The following COL5A2 variants were observed in gnomAD, a reference collection of about 807,000 sequenced individuals.
COL5A2 encodes the protein collagen type V alpha 2 chain.
COL5A2 carries 23 observed loss-of-function variants against 208.2 expected under a neutral mutation model. The observed-to-expected ratio is 0.11, with a 90% CI of 0.08 to 0.16. COL5A2 has a LOEUF of 0.16. COL5A2 is among the 10% of genes least tolerant of loss of function. COL5A2 has a pLI of 1.00. For synonymous variants in COL5A2, 625 were observed against 628.5 expected (o/e 0.99, Z 0.08); for missense variants, 1,590 against 1,956.4 (o/e 0.81, Z 3.53).
At chr2:189,351,562 T>C in the COL5A2 span, among the ~76,000 whole-genome samples, 1 of 152,310 alleles carries the variant, frequency 6.6e-6, no homozygotes, top group Admixed American at 6.5e-5. Flanking sequence ...TGTATATAAA[T>C]AAACAGTCAA....
the COL5A2 span, among the ~76,000 whole-genome samples, chr2:189,423,309 TAA>T: frequency 6.6e-6 from 1 of 151,378 alleles, no homozygotes; most frequent in Admixed American, 6.6e-5. Flanking sequence ...ATAAACAACC[TAA>T]CATTGCACCT....
chr2:189,216,795 G>A lies in COL5A2; in HGVS notation c.-42+8353C>T, dbSNP rs1456595999. 2.0e-5 allele frequency among the ~76,000 whole-genome samples: 3 copies of A among 152,064 alleles called. No individual in the cohort carries two copies. In the East Asian group the frequency reaches 5.8e-4, roughly 29 times the overall value. ...CTAAATAAGTTTAATAACACCCTGA[G>A]CCCTCAACATTGTCTTTGGACACAT... On this transcript the variant is annotated intron_variant, in intron 1 of 10. Coordinates refer to the COL5A2 transcript ENST00000649966.
At chr2:189,169,781 A>C (rs1688536908) in intron 1 of COL5A2, among the ~76,000 whole-genome samples, 1 of 152,198 alleles carries the variant, frequency 6.6e-6, no homozygotes, top group African/African-American at 2.4e-5. Flanking sequence ...GCGCGATCTC[A>C]GCTCACTGCA....
At chr2:189,048,085 T>C (rs1018647835) in intron 45 of COL5A2, 124 bp downstream of exon 45, 1 of 829,088 alleles carries the variant, frequency 1.2e-6, no homozygotes, top group Admixed American at 2.0e-5. Flanking sequence ...ACAGAAACAG[T>C]TGTTATTCAG....
At chr2:189,297,006 A>T in the COL5A2 span, among the ~76,000 whole-genome samples, 1 of 152,180 alleles carries the variant, frequency 6.6e-6, no homozygotes, top group Non-Finnish European at 1.5e-5. Flanking sequence ...TGACTTTCTG[A>T]TAAAATTCTA....
At chr2:189,289,202 C>T in the COL5A2 span, among the ~76,000 whole-genome samples, 13 of 151,744 alleles carry the variant, frequency 8.6e-5, no homozygotes, top group Non-Finnish European at 7.4e-5. Context: ...ATTAGCTGGG[C>T]GTGGTGGCGT....
Position 189,086,764 on chromosome 2 carries a change from C to G in COL5A2, c.652G>C (p.Val218Leu). The change falls in exon 9 of 54, where the codon GTT (valine) becomes CTT (leucine). Residue 218 changes from valine to leucine, a missense_variant. By Grantham distance (32) the Val-to-Leu change is conservative. Transcript: ENST00000374866. ...VGLMPGSVGP[V>L]GPRGPQGLQG... ...AAACCCTGTGGTCCCCTTGGGCCAACAGGACCCTTAAAAACAAATGAGGAG... is the reference window on the plus strand; with the variant it reads ...AAACCCTGTGGTCCCCTTGGGCCAAGAGGACCCTTAAAAACAAATGAGGAG... 6.3e-7 allele frequency: 1 copy of G among 1,581,794 alleles called. No individual in the cohort carries two copies. Among genetic ancestry groups the G allele is most frequent in the Non-Finnish European group, 8.6e-7 (1 of 1,160,386 alleles).
chr2:189,343,044 A>G, the COL5A2 span, among the ~76,000 whole-genome samples: 1 of 152,058 alleles, frequency 6.6e-6, no homozygotes, highest in Non-Finnish European at 1.5e-5. Flanking sequence ...TTACTTTTTC[A>G]TCTTTCTATT....
the COL5A2 span, among the ~76,000 whole-genome samples, chr2:189,275,994 C>A: frequency 2.6e-5 from 4 of 152,164 alleles, no homozygotes; most frequent in Non-Finnish European, 5.9e-5. Context: ...AACAACCCAA[C>A]ATCATGTAGC....
At chr2:189,062,375 G>A (rs1205501159) in intron 29 of COL5A2, among the ~76,000 whole-genome samples, 3 of 151,618 alleles carry the variant, frequency 2.0e-5, no homozygotes, top group Non-Finnish European at 4.4e-5. Flanking sequence ...ATAGAGACAG[G>A]GTTTCACCAT....
At chr2:189,351,124 T>C in the COL5A2 span, among the ~76,000 whole-genome samples, 5,534 of 152,256 alleles carry the variant, frequency 0.036, 116 homozygotes, top group Admixed American at 0.05. Context: ...GATTCCTATA[T>C]GGCTAACATG....
chr2:189,229,068 TAGAA>T (rs1689450145), upstream of COL5A2, among the ~76,000 whole-genome samples: 1 of 151,822 alleles, frequency 6.6e-6, no homozygotes, highest in Non-Finnish European at 1.5e-5. Flanking sequence ...CACAGGATGA[TAGAA>T]AGACATGTAC....
At chr2:189,035,239 G>T in intron 52 of COL5A2, 84 bp from the exon 53 acceptor site, 2 of 1,538,166 alleles carry the variant, frequency 1.3e-6, no homozygotes, top group Middle Eastern at 1.7e-4. Context: ...TATATAAATT[G>T]ATTTCAGATA....
the COL5A2 span, among the ~76,000 whole-genome samples, chr2:189,374,901 C>A: frequency 2.0e-5 from 3 of 152,046 alleles, no homozygotes; most frequent in East Asian, 3.8e-4. Context: ...GAATGAAGCA[C>A]CTTTATCTTC....
At chr2:189,102,514 GGTCT>G (rs1357387919) in intron 3 of COL5A2, among the ~76,000 whole-genome samples, 2 of 152,018 alleles carry the variant, frequency 1.3e-5, no homozygotes, top group East Asian at 3.9e-4. Context: ...ATGGAATAAT[GGTCT>G]GTCTAAAGTT....
chr2:189,305,122 A>C, the COL5A2 span, among the ~76,000 whole-genome samples: 1 of 152,228 alleles, frequency 6.6e-6, no homozygotes, highest in East Asian at 1.9e-4. Flanking sequence ...AAAAGATGGA[A>C]TATTTCACAT....
intron 44 of COL5A2, among the ~76,000 whole-genome samples, chr2:189,048,839 C>T (rs1033134030): frequency 6.6e-6 from 1 of 152,118 alleles, no homozygotes; most frequent in Non-Finnish European, 1.5e-5. Flanking sequence ...CAGCCTTTAA[C>T]TTCTCAAATT....
Position 189,094,052 on chromosome 2 carries a change from A to G in COL5A2, c.457-1632T>C, listed in dbSNP as rs534638579. Among the ~76,000 whole-genome samples, 215 of 152,338 alleles carry G rather than the reference A, an allele frequency of 1.4e-3. 1 individual carries two copies. Among genetic ancestry groups the G allele is most frequent in the African/African-American group, 4.8e-3 (199 of 41,594 alleles). On this transcript the variant is annotated intron_variant, in intron 6 of 53. Coordinates refer to ENST00000374866, the MANE Select transcript of COL5A2 (RefSeq NM_000393.5). ...TTTATTGTCAACAGGAGTGGAGATAAGTTTGAGAAATATTCATTAGTCCTC... is the reference window on the plus strand; with the variant it reads ...TTTATTGTCAACAGGAGTGGAGATAGGTTTGAGAAATATTCATTAGTCCTC...
chr2:189,209,784 A>G (rs1053457157), intron 1 of COL5A2, among the ~76,000 whole-genome samples: 4 of 152,214 alleles, frequency 2.6e-5, no homozygotes, highest in African/African-American at 9.6e-5. Context: ...ACAAAACAGA[A>G]AGATCAGTTT....
Sources: gnomAD v4.1 joint callset for allele counts (sites outside exome capture counted in the v4.1 genomes callset) on GRCh38, gnomAD v4.1.1 for gene constraint, MANE v1.5 for transcripts, NCBI Gene and HGNC (gene_info 2026-07-23, HGNC 2026-07-21) for gene names.